Variants in USP34 observed in about 807,000 individuals in gnomAD.
USP34 encodes ubiquitin specific peptidase 34.
USP34 carries 70 observed loss-of-function variants against 460.3 expected under a neutral mutation model. That is an observed-to-expected ratio of 0.15 (90% CI 0.13 to 0.19). USP34 has a LOEUF of 0.19. USP34 is among the 10% of genes least tolerant of loss of function. The pLI is 1.00. For missense variants in USP34, 3,985 were observed against 4,236.2 expected, an observed-to-expected ratio of 0.94 and a Z score of 1.65; for synonymous variants, 1,647 against 1,405.3, an observed-to-expected ratio of 1.17 and a Z score of -3.85.
intron 16 of USP34, among the ~76,000 whole-genome samples, chr2:61,342,759 TA>T (rs1691645837): frequency 6.6e-6 from 1 of 152,214 alleles, no homozygotes; most frequent in African/African-American, 2.4e-5. Context: ...AGCATTAACA[TA>T]TACTATCATT....
intron 10 of USP34, among the ~76,000 whole-genome samples, chr2:61,363,735 T>G (rs1692340829): frequency 6.6e-6 from 1 of 152,114 alleles, no homozygotes; most frequent in Non-Finnish European, 1.5e-5. Context: ...AAGCAGGAAA[T>G]GGAACAGATA....
intron 29 of USP34, among the ~76,000 whole-genome samples, chr2:61,299,906 T>A (rs1307257149): frequency 6.6e-6 from 1 of 152,216 alleles, no homozygotes. Context: ...CATCTATCTA[T>A]CCTTCAGCTC....
At chr2:61,217,737 G>A (rs1360751513) in intron 67 of USP34, among the ~76,000 whole-genome samples, 5 of 152,098 alleles carry the variant, frequency 3.3e-5, no homozygotes, top group South Asian at 2.1e-4. Context: ...GGTGGATCAC[G>A]AGGTCAGGAG....
chr2:61,370,253 CCT>C, intron 10 of USP34, 66 bp downstream of exon 10: 1 of 1,491,988 alleles, frequency 6.7e-7, no homozygotes, highest in African/African-American at 1.4e-5. Flanking sequence ...ATAGAATTTA[CCT>C]CACAGAGAAG....
chr2:61,387,297 T>C (rs745785739), intron 5 of USP34, among the ~76,000 whole-genome samples: 16 of 151,924 alleles, frequency 1.1e-4, no homozygotes, highest in Non-Finnish European at 1.5e-4. Context: ...ATCCCATCTC[T>C]ACTAAAAGTA....
chr2:61,464,236 TTGAA>T (rs1695696028), intron 1 of USP34, among the ~76,000 whole-genome samples: 1 of 152,060 alleles, frequency 6.6e-6, no homozygotes, highest in African/African-American at 2.4e-5. Context: ...GGAGAATCAC[TTGAA>T]GCAAGGAGGT....
chr2:61,342,107 A>C (rs549794322), intron 16 of USP34, among the ~76,000 whole-genome samples: 52 of 152,168 alleles, frequency 3.4e-4, no homozygotes, highest in African/African-American at 1.2e-3. Flanking sequence ...ACAGTTCTCC[A>C]AAGTGATTAT....
At chr2:61,287,177 A>G (rs1689715873) in intron 34 of USP34, among the ~76,000 whole-genome samples, 1 of 152,190 alleles carries the variant, frequency 6.6e-6, no homozygotes, top group Non-Finnish European at 1.5e-5. Flanking sequence ...AATTCCAAAA[A>G]GGAAATCTGC....
chr2:61,284,804 TC>T, intron 35 of USP34, 70 bp downstream of exon 35: 1 of 1,266,682 alleles, frequency 7.9e-7, no homozygotes, highest in South Asian at 1.7e-5. Context: ...TTAGAATTTT[TC>T]AAAATAAAGT....
intron 5 of USP34, among the ~76,000 whole-genome samples, chr2:61,389,701 T>C (rs888119712): frequency 6.6e-6 from 1 of 152,140 alleles, no homozygotes; most frequent in Admixed American, 6.5e-5. Flanking sequence ...AAAAACCAAA[T>C]TGCATATGCT....
chr2:61,260,063 G>C (rs1688833492), intron 43 of USP34, among the ~76,000 whole-genome samples: 3 of 152,038 alleles, frequency 2.0e-5, no homozygotes, highest in South Asian at 2.1e-4. Context: ...TGATTTCCAA[G>C]AATGCAAGAA....
At chr2:61,278,745 T>C (rs988476579) in intron 39 of USP34, among the ~76,000 whole-genome samples, 1 of 151,680 alleles carries the variant, frequency 6.6e-6, no homozygotes, top group Admixed American at 6.6e-5. Context: ...TAACAAACCT[T>C]CACGTTGTGC....
chr2:61,193,220 C>A (rs1001594355), intron 75 of USP34: 1 of 327,168 alleles, frequency 3.1e-6, no homozygotes, highest in African/African-American at 2.2e-5. Flanking sequence ...TAAATCAACT[C>A]TTCTTTTTTG....
intron 1 of USP34, among the ~76,000 whole-genome samples, chr2:61,443,493 T>TA (rs59059487): frequency 0.81 from 120,369 of 147,746 alleles, 49,302 homozygotes; most frequent in East Asian, 0.97. Flanking sequence ...GCAGATGTGT[T>TA]AAAAAAAAAA....
chr2:61,392,846 C>G (rs1401991700), intron 5 of USP34, among the ~76,000 whole-genome samples: 1 of 152,160 alleles, frequency 6.6e-6, no homozygotes, highest in South Asian at 2.1e-4. Context: ...AAAATTACCA[C>G]AGTGTGAAAT....
intron 1 of USP34, among the ~76,000 whole-genome samples, chr2:61,424,658 T>C (rs1344938504): frequency 6.6e-6 from 1 of 152,158 alleles, no homozygotes; most frequent in Non-Finnish European, 1.5e-5. Flanking sequence ...AGAGGATCAC[T>C]TGAGCCCAAG....
Position 61,470,730 on chromosome 2 carries a change from C to T in USP34, c.-38G>A. The T allele has an allele frequency of 6.4e-7, 1 of 1,565,120 alleles. No individual in the cohort carries two copies. On this transcript the variant is annotated 5_prime_UTR_variant, in exon 1 of 80. Transcript: ENST00000398571. ...GCCCCCCCCCTCCCCCGCTTCGGAT[C>T]ACACTGACTGATCCCGACCGGCGGG...
At chr2:61,278,479 ATTT>A in intron 39 of USP34, 36 bp from the exon 40 acceptor site, 11 of 1,429,346 alleles carry the variant, frequency 7.7e-6, no homozygotes, top group South Asian at 1.4e-5. Context: ...TCAAATATAA[ATTT>A]TTTATGTTTT....
chr2:61,414,439 T>C (rs573548892), intron 2 of USP34, among the ~76,000 whole-genome samples: 93 of 152,270 alleles, frequency 6.1e-4, no homozygotes, highest in Non-Finnish European at 8.7e-4. Context: ...AAGGGTAGGA[T>C]AGACATTTCA....
Sources: gnomAD v4.1 joint callset for allele counts (sites outside exome capture counted in the v4.1 genomes callset) on GRCh38, gnomAD v4.1.1 for gene constraint, MANE v1.5 for transcripts, NCBI Gene and HGNC (gene_info 2026-07-23, HGNC 2026-07-21) for gene names.